CACNB2: variants seen among roughly 807,000 people sequenced by gnomAD.
CACNB2 encodes calcium voltage-gated channel auxiliary subunit beta 2.
In CACNB2, 42 loss-of-function variants were observed where a neutral mutation model predicts 73.3. That is an observed-to-expected ratio of 0.57 (90% CI 0.45 to 0.74). CACNB2 has a LOEUF of 0.74. Among genes scored for constraint, CACNB2 ranks in the 30% least tolerant of loss-of-function variants. The pLI is 0.00. For synonymous variants in CACNB2, 348 were observed against 310.3 expected (o/e 1.12, Z -1.28); for missense variants, 940 against 853.0 (o/e 1.10, Z -1.27).
chr10:18,534,016 T>TACCA (rs1400967003), intron 10 of CACNB2, 60 bp from the exon 11 acceptor site: 2 of 1,541,900 alleles, frequency 1.3e-6, no homozygotes, highest in African/African-American at 2.7e-5. Flanking sequence ...AGAAACAGTA[T>TACCA]ACCATTTTAC....
intron 2 of CACNB2, among the ~76,000 whole-genome samples, chr10:18,386,179 T>G (rs1285613681): frequency 6.6e-6 from 1 of 152,198 alleles, no homozygotes; most frequent in African/African-American, 2.4e-5. Context: ...AGGACTAAAC[T>G]TAGGCATTTT....
In CACNB2 at chr10:18,180,165, C is replaced by T. The variant is rs527307281; in HGVS notation, c.213+29190C>T. Among the ~76,000 whole-genome samples the T allele has an allele frequency of 3.3e-5, 5 of 152,220 alleles. No individual in the cohort carries two copies. The South Asian group carries it at 8.3e-4, about 25-fold the overall frequency. ...CTACTAGCCTCATTTGCCTTTTGCT[C>T]TCTGGAGGGAGAGGAATGATCTTAT... On this transcript the variant is annotated intron_variant, in intron 2 of 13. Transcript: ENST00000324631.
chr10:18,477,600 T>TA (rs761598707), intron 3 of CACNB2, among the ~76,000 whole-genome samples: 6 of 152,152 alleles, frequency 3.9e-5, no homozygotes, highest in Non-Finnish European at 8.8e-5. Context: ...ATGGAATCAC[T>TA]AAAACAGTCT....
intron 1 of CACNB2, among the ~76,000 whole-genome samples, chr10:18,144,945 C>T (rs1024837805): frequency 8.5e-5 from 13 of 152,062 alleles, no homozygotes; most frequent in Admixed American, 7.9e-4. Context: ...GTTGGGTGAA[C>T]GGGAAGCAGG....
chr10:18,534,217 C>A lies in CACNB2; in HGVS notation c.1196C>A (p.Ser399Tyr). The change falls in exon 11 of 14, where the codon TCT becomes TAT. Residue 399 changes from serine (S) to tyrosine (Y), a missense_variant. Physicochemically the swap from Ser to Tyr is moderately radical, Grantham distance 144. Coordinates refer to ENST00000324631, the MANE Select transcript of CACNB2 (RefSeq NM_201596.3). ...CCTATTATAGTATATGTAAAGATTT[C>A]TTCTCCTAAGGTAAGTAGGACTGCT... ...LAPIIVYVKI[S>Y]SPKVLQRLIK... 1.9e-6 allele frequency: 3 copies of A among 1,613,052 alleles called. No individual in the cohort carries two copies. The highest frequency in any genetic ancestry group is 8.5e-7 in the Non-Finnish European group (1 of 1,179,054).
intron 2 of CACNB2, among the ~76,000 whole-genome samples, chr10:18,384,032 T>C (rs1270803558): frequency 5.3e-5 from 8 of 152,108 alleles, no homozygotes; most frequent in Non-Finnish European, 2.9e-5. Flanking sequence ...AATGCCACAG[T>C]TATTTATGTA....
chr10:18,429,583 T>G (rs1018017771), intron 3 of CACNB2, among the ~76,000 whole-genome samples: 2 of 151,756 alleles, frequency 1.3e-5, no homozygotes, highest in Admixed American at 1.3e-4. Flanking sequence ...TCCTGGCACT[T>G]TGGGAGGCCA....
At chr10:18,314,251 A>G (rs2040069443) in intron 2 of CACNB2, among the ~76,000 whole-genome samples, 1 of 152,240 alleles carries the variant, frequency 6.6e-6, no homozygotes. Context: ...GATTCGGGGA[A>G]AAGTAAGAGC....
intron 2 of CACNB2, among the ~76,000 whole-genome samples, chr10:18,289,024 G>A (rs563281625): frequency 6.6e-6 from 1 of 152,162 alleles, no homozygotes; most frequent in African/African-American, 2.4e-5. Context: ...CAGCCTGGGC[G>A]ACAGAGCAAG....
intron 3 of CACNB2, among the ~76,000 whole-genome samples, chr10:18,488,445 G>A (rs1262443212): frequency 2.0e-4 from 26 of 129,256 alleles, no homozygotes; most frequent in African/African-American, 6.7e-4. Flanking sequence ...ACTGCACTCC[G>A]GCCTGGGCGA....
rs1015669407 is a variant in CACNB2 at position 18,539,884 on chromosome 10, G to C, written c.*160G>C. 15 of 776,632 alleles carry C rather than the reference G, an allele frequency of 1.9e-5. No individual in the cohort carries two copies. Among genetic ancestry groups the C allele is most frequent in the Non-Finnish European group, 2.6e-5 (13 of 498,950 alleles). 48.1% of individuals were successfully genotyped at this position (776,632 alleles called of 1,614,324 possible). Reference sequence around the variant, plus strand: ...TGCTTGAATAGCAATAGCATGGATAGAGTATTGAGATACTTTTTCTTTTGT... The same window carrying C: ...TGCTTGAATAGCAATAGCATGGATACAGTATTGAGATACTTTTTCTTTTGT... On this transcript the variant is annotated 3_prime_UTR_variant, in exon 14 of 14. Transcript: ENST00000324631.
intron 5 of CACNB2, among the ~76,000 whole-genome samples, chr10:18,505,275 A>G (rs1023043852): frequency 6.6e-6 from 1 of 152,080 alleles, no homozygotes; most frequent in African/African-American, 2.4e-5. Flanking sequence ...GGGGAAAAAA[A>G]TGTTTTGGTC....
chr10:18,268,865 A>C (rs2037925957), intron 2 of CACNB2, among the ~76,000 whole-genome samples: 1 of 152,180 alleles, frequency 6.6e-6, no homozygotes, highest in South Asian at 2.1e-4. Context: ...TAAATGGAGG[A>C]GTCTACTGAT....
At chr10:18,433,510 G>GCTTT in intron 3 of CACNB2, among the ~76,000 whole-genome samples, 1 of 152,286 alleles carries the variant, frequency 6.6e-6, no homozygotes, top group Admixed American at 6.5e-5. Context: ...CAACTCAGAA[G>GCTTT]CTTTGTATGA....
rs574409275 is a variant in CACNB2, at chr10:18,356,946, T to C, written c.214-44978T>C. On this transcript the variant is annotated intron_variant, in intron 2 of 13. Transcript: ENST00000324631. ...TGCCTGGCCCAGACTCAATTTCTTT[T>C]TTTTTTTTTTTTTTTTGAGACGGAG... Among the ~76,000 whole-genome samples the C allele has an allele frequency of 5.6e-3, 494 of 88,312 alleles. 9 individuals are homozygous for C. Among genetic ancestry groups the C allele is most frequent in the African/African-American group, 0.016 (451 of 27,976 alleles). The allele number at this position is 88,312 out of a possible 152,430, so 57.9% of individuals were successfully genotyped here. A position where few individuals can be genotyped will look rare whatever the true frequency, so the allele number is the denominator to read the frequency against.
intron 3 of CACNB2, among the ~76,000 whole-genome samples, chr10:18,419,399 C>T (rs2045194224): frequency 6.6e-6 from 1 of 152,164 alleles, no homozygotes; most frequent in African/African-American, 2.4e-5. Flanking sequence ...ATAATGTACA[C>T]AACCATTCTC....
chr10:18,170,172 G>T (rs2033130108), intron 2 of CACNB2, among the ~76,000 whole-genome samples: 1 of 152,198 alleles, frequency 6.6e-6, no homozygotes, highest in African/African-American at 2.4e-5. Context: ...AGAGGTGGGA[G>T]AAAAATCAAC....
In CACNB2 at chr10:18,201,011, C is replaced by T. The variant is rs111514957; in HGVS notation, c.213+50036C>T. Among the ~76,000 whole-genome samples the T allele has an allele frequency of 4.6e-3, 707 of 152,292 alleles. 2 individuals are homozygous for T. The highest frequency in any genetic ancestry group is 0.016 in the African/African-American group (679 of 41,570). ...GGTTTCAATAGTATAATAGGGCTAA[C>T]GTTCACTGGCTTCCATTTTATGGCC... On this transcript the variant is annotated intron_variant, in intron 2 of 13. Transcript: ENST00000324631.
chr10:18,307,644 G>C (rs1485692635), intron 2 of CACNB2, among the ~76,000 whole-genome samples: 2 of 152,054 alleles, frequency 1.3e-5, no homozygotes, highest in Non-Finnish European at 2.9e-5. Flanking sequence ...ATAAATATTT[G>C]TTGCATGAAT....
Sources: allele counts gnomAD v4.1 joint callset (sites outside exome capture counted in the v4.1 genomes callset), GRCh38; gene constraint gnomAD v4.1.1; transcripts MANE v1.5; gene names NCBI Gene and HGNC (gene_info 2026-07-23, HGNC 2026-07-21).